TSPAN5: variants seen among roughly 807,000 people sequenced by gnomAD.
TSPAN5 encodes tetraspanin 5, also known as tetraspanin-5.
In TSPAN5, 10 loss-of-function variants were observed where a neutral mutation model predicts 37.1. That is an observed-to-expected ratio of 0.27 (90% confidence interval 0.17 to 0.46). The LOEUF (loss-of-function observed/expected upper bound fraction) is 0.46, where lower values mean the gene tolerates loss of function less well. TSPAN5 is among the 20% of genes least tolerant of loss of function. The pLI is 1.00. For synonymous variants in TSPAN5, 110 were observed against 118.9 expected, an observed-to-expected ratio of 0.93 and a Z score of 0.48; for missense variants, 195 against 326.6, an observed-to-expected ratio of 0.60 and a Z score of 3.11.
At chr4:98,602,590 G>A (rs1755906900) in intron 1 of TSPAN5, among the ~76,000 whole-genome samples, 1 of 152,152 alleles carries the variant, frequency 6.6e-6, no homozygotes, top group South Asian at 2.1e-4. Flanking sequence ...CTAAATCCCT[G>A]AGGAAGCTAC....
chr4:98,575,805 C>G (rs2110188374), intron 1 of TSPAN5, among the ~76,000 whole-genome samples: 1 of 148,954 alleles, frequency 6.7e-6, no homozygotes, highest in Middle Eastern at 3.6e-3. Context: ...GGCGTGGTGG[C>G]TCACACCTGT....
chr4:98,562,948 T>A (rs1754913426), intron 1 of TSPAN5, among the ~76,000 whole-genome samples: 1 of 151,974 alleles, frequency 6.6e-6, no homozygotes, highest in Admixed American at 6.6e-5. Context: ...CCAGAAAAGG[T>A]TTGGTCTAGG....
At chr4:98,609,232 G>A (rs887380676) in intron 1 of TSPAN5, among the ~76,000 whole-genome samples, 2 of 151,944 alleles carry the variant, frequency 1.3e-5, no homozygotes, top group African/African-American at 2.4e-5. Context: ...ACATACTGCT[G>A]TCCAAGCCCC....
At position 98,495,531 on chromosome 4, in the gene TSPAN5, CA is replaced by C. The variant is rs10555303; in HGVS notation, c.133-8648del. On this transcript the variant is annotated intron_variant, in intron 2 of 7. Coordinates refer to ENST00000305798, the MANE Select transcript of TSPAN5 (RefSeq NM_005723.4). ...CGGGAGACAGAGAGAGCCTCCGTCT[CA>C]AAAAAAAAAAAAAAAAAAAGGACAA... Among the ~76,000 whole-genome samples the C allele has an allele frequency of 6.1e-3, 797 of 130,880 alleles. 9 individuals carry two copies. The highest frequency in any genetic ancestry group is 0.02 in the African/African-American group (715 of 35,590). The allele number at this position is 130,880 out of a possible 152,430, so 85.9% of individuals were successfully genotyped here.
intron 1 of TSPAN5, among the ~76,000 whole-genome samples, chr4:98,646,195 T>G (rs527323197): frequency 6.6e-6 from 1 of 152,194 alleles, no homozygotes; most frequent in East Asian, 1.9e-4. Context: ...GATTAGTCAA[T>G]GATCCAGGTA....
chr4:98,560,073 G>C (rs988031035), intron 1 of TSPAN5: 1 of 152,274 alleles, frequency 6.6e-6, no homozygotes, highest in Non-Finnish European at 1.5e-5. Context: ...AGTATATTTT[G>C]TTTGTCTCCA....
At chr4:98,570,648 T>A (rs1291523565) in intron 1 of TSPAN5, among the ~76,000 whole-genome samples, 1 of 152,094 alleles carries the variant, frequency 6.6e-6, no homozygotes, top group Non-Finnish European at 1.5e-5. Context: ...TGAGCCAGCT[T>A]AGAGCCAGGA....
chr4:98,503,825 G>T (rs1371910712), intron 2 of TSPAN5, among the ~76,000 whole-genome samples: 2 of 152,198 alleles, frequency 1.3e-5, no homozygotes, highest in African/African-American at 2.4e-5. Flanking sequence ...TTATCTGAAT[G>T]AATGAGTTGA....
rs573282248 is a variant in TSPAN5, at chr4:98,630,780, C to G, written c.81+27366G>C. On this transcript the variant is annotated intron_variant, in intron 1 of 7. Coordinates refer to ENST00000305798, the MANE Select transcript of TSPAN5 (RefSeq NM_005723.4). ...GCTATTTATTACTCTGAATTTGAAG[C>G]CCTCCTCCCCTTGAAGTAAGGCCTA... Among the ~76,000 whole-genome samples the G allele has an allele frequency of 2.0e-5, 3 of 152,302 alleles. No homozygotes were observed. The South Asian group carries it at 6.2e-4, about 32-fold the overall frequency.
chr4:98,511,621 T>C (rs1446898063), intron 1 of TSPAN5, among the ~76,000 whole-genome samples: 1 of 152,238 alleles, frequency 6.6e-6, no homozygotes, highest in Non-Finnish European at 1.5e-5. Context: ...TGAGCTGCAC[T>C]GGTAAGTGTA....
chr4:98,547,023 G>A (rs569398314), intron 1 of TSPAN5, among the ~76,000 whole-genome samples: 1 of 152,304 alleles, frequency 6.6e-6, no homozygotes, highest in Admixed American at 6.5e-5. Flanking sequence ...GGCTGATGTG[G>A]AAACTCACAG....
At chr4:98,622,189 C>G (rs530898932) in intron 1 of TSPAN5, among the ~76,000 whole-genome samples, 8 of 152,268 alleles carry the variant, frequency 5.3e-5, no homozygotes, top group African/African-American at 1.9e-4. Context: ...AAATGATTCT[C>G]GTGCCTCAGC....
In TSPAN5 at chr4:98,486,723, G is replaced by A; in HGVS notation, c.279+15C>T. The A allele has an allele frequency of 6.2e-7, 1 of 1,613,928 alleles. No individual in the cohort carries two copies. The highest frequency in any genetic ancestry group is 8.5e-7 in the Non-Finnish European group (1 of 1,179,864). ...TTTTGGCTCTCAATCTGAGAGTAGA[G>A]AGTGGAATACTTACAAACTTGAGAA... On this transcript the variant is annotated intron_variant, in intron 3 of 7. Transcript: ENST00000305798.
chr4:98,608,478 T>C (rs1460848885), intron 1 of TSPAN5, among the ~76,000 whole-genome samples: 1 of 152,114 alleles, frequency 6.6e-6, no homozygotes, highest in Non-Finnish European at 1.5e-5. Context: ...GCAAGCTGCA[T>C]GTTCCTAACC....
rs375256740 is a variant in TSPAN5 at position 98,656,891 on chromosome 4, T to C, written c.81+1255A>G. Among the ~76,000 whole-genome samples, 199 of 152,314 alleles carry C rather than the reference T, an allele frequency of 1.3e-3. 4 individuals are homozygous for C. In the South Asian group the frequency reaches 0.039, roughly 30 times the overall value. ...TGACAACTATTCTCACAGATGTATA[T>C]ACGTACAGCAAACAGCCCAAATTAA... On this transcript the variant is annotated intron_variant, in intron 1 of 7. Coordinates refer to ENST00000305798, the MANE Select transcript of TSPAN5 (RefSeq NM_005723.4).
chr4:98,650,270 T>A (rs1266299135), intron 1 of TSPAN5, among the ~76,000 whole-genome samples: 1 of 152,118 alleles, frequency 6.6e-6, no homozygotes, highest in Non-Finnish European at 1.5e-5. Context: ...GTAGGTCCAA[T>A]CTGGTAGGCT....
intron 1 of TSPAN5, among the ~76,000 whole-genome samples, chr4:98,599,975 TA>T (rs1755846933): frequency 6.6e-6 from 1 of 152,192 alleles, no homozygotes. Flanking sequence ...ACACTACAGA[TA>T]TATCTTGGAG....
chr4:98,525,853 TCA>T (rs775062444), intron 1 of TSPAN5, among the ~76,000 whole-genome samples: 10 of 152,212 alleles, frequency 6.6e-5, no homozygotes, highest in Non-Finnish European at 1.3e-4. Context: ...TTGCTTAAAG[TCA>T]CAGTTTCCAA....
intron 1 of TSPAN5, among the ~76,000 whole-genome samples, chr4:98,646,006 C>A (rs531800788): frequency 6.6e-6 from 1 of 152,182 alleles, no homozygotes; most frequent in Non-Finnish European, 1.5e-5. Context: ...TAATTTAGCA[C>A]GCCCTGGCCT....
Sources: allele counts gnomAD v4.1 joint callset (sites outside exome capture counted in the v4.1 genomes callset), GRCh38; gene constraint gnomAD v4.1.1; transcripts MANE v1.5; gene names NCBI Gene and HGNC (gene_info 2026-07-23, HGNC 2026-07-21).